Variants in RBFOX1 observed in about 807,000 individuals in gnomAD.
RBFOX1 encodes RNA binding fox-1 homolog 1, also known as RNA binding protein fox-1 homolog 1.
RBFOX1 carries 8 observed loss-of-function variants against 57.7 expected under a neutral mutation model. The ratio of observed to expected loss-of-function variants is 0.14; its 90% CI spans 0.08 to 0.25. RBFOX1 has a LOEUF of 0.25. Ranked by LOEUF, RBFOX1 falls within the 10% of genes least tolerant of loss-of-function variation. The probability of loss-of-function intolerance (pLI) is 1.00; values close to 1 mark genes in which losing one functional copy is unlikely to be tolerated. For missense variants in RBFOX1, 611 were observed against 548.5 expected (o/e 1.11, Z -1.14); for synonymous variants, 326 against 222.4 (o/e 1.47, Z -4.15).
At chr16:5,355,438 G>A (rs1406013481) in intron 1 of RBFOX1, among the ~76,000 whole-genome samples, 1 of 152,172 alleles carries the variant, frequency 6.6e-6, no homozygotes, top group African/African-American at 2.4e-5. Context: ...TTGATGTAAG[G>A]TGTCAAGGTC....
At chr16:6,551,174 C>G (rs1261788441) in intron 2 of RBFOX1, among the ~76,000 whole-genome samples, 1 of 152,184 alleles carries the variant, frequency 6.6e-6, no homozygotes. Context: ...CTATATAGAT[C>G]TAGCCCAACT....
chr16:7,631,686 G>A (rs561623139), intron 11 of RBFOX1, among the ~76,000 whole-genome samples: 4 of 152,122 alleles, frequency 2.6e-5, no homozygotes, highest in Non-Finnish European at 5.9e-5. Flanking sequence ...GGGATGGGGA[G>A]GAGAGCAGGA....
chr16:6,969,917 G>A (rs1461722254), intron 3 of RBFOX1, among the ~76,000 whole-genome samples: 1 of 152,084 alleles, frequency 6.6e-6, no homozygotes, highest in Non-Finnish European at 1.5e-5. Context: ...TCAGTAGTCT[G>A]TCATAGATTT....
intron 1 of RBFOX1, among the ~76,000 whole-genome samples, chr16:6,238,475 TAACAGATTTTATGGTACTTCGC>T (rs1268791243): frequency 6.6e-6 from 1 of 152,154 alleles, no homozygotes; most frequent in Non-Finnish European, 1.5e-5. Context: ...GAAGACAAAA[TAACAGATTTTATGGTACTTCGC>T]TGTGGTTTTT....
intron 1 of RBFOX1, among the ~76,000 whole-genome samples, chr16:5,425,117 CTATCTTGA>C (rs1378975574): frequency 4.8e-4 from 62 of 128,814 alleles, no homozygotes; most frequent in Non-Finnish European, 7.7e-4. Context: ...ATCTATCTAT[CTATCTTGA>C]GACAGAGTCT....
chr16:6,557,784 G>A (rs1449731616), intron 2 of RBFOX1, among the ~76,000 whole-genome samples: 1 of 152,116 alleles, frequency 6.6e-6, no homozygotes, highest in Admixed American at 6.6e-5. Flanking sequence ...CCATGTCAAG[G>A]CAATGTTTTA....
intron 2 of RBFOX1, among the ~76,000 whole-genome samples, chr16:6,634,693 A>G (rs1359725697): frequency 6.9e-6 from 1 of 144,660 alleles, no homozygotes; most frequent in Admixed American, 7.0e-5. Context: ...TATATAATAC[A>G]AAGATACATA....
chr16:5,307,149 C>T (rs1415905210), intron 1 of RBFOX1, among the ~76,000 whole-genome samples: 4 of 152,172 alleles, frequency 2.6e-5, no homozygotes, highest in Non-Finnish European at 4.4e-5. Flanking sequence ...TGGCTACTCG[C>T]TTATTACATT....
At position 6,554,807 on chromosome 16, in the gene RBFOX1, AACACACAG is replaced by A. The variant is rs150668194; in HGVS notation, c.-63-99780_-63-99773del. On this transcript the variant is annotated intron_variant, in intron 2 of 15. Coordinates refer to ENST00000550418, the MANE Select transcript of RBFOX1 (RefSeq NM_018723.4). ...ACACACACACAGACACACACAGATAAACACACAGACACACAGACACACACAGACTCTCC... is the reference window on the plus strand; with the variant it reads ...ACACACACACAGACACACACAGATAAACACACAGACACACACAGACTCTCC... 3.1e-3 allele frequency among the ~76,000 whole-genome samples: 464 copies of A among 151,434 alleles called. 2 individuals carry two copies. Among genetic ancestry groups the A allele is most frequent in the Admixed American group, 9.3e-3 (141 of 15,198 alleles).
intron 3 of RBFOX1, among the ~76,000 whole-genome samples, chr16:6,702,668 A>G (rs1280731072): frequency 6.6e-6 from 1 of 152,244 alleles, no homozygotes; most frequent in Non-Finnish European, 1.5e-5. Flanking sequence ...GACTGGTGAG[A>G]ATAATTGCTC....
chr16:7,351,451 G>T (rs1447260764), intron 4 of RBFOX1, among the ~76,000 whole-genome samples: 1 of 152,224 alleles, frequency 6.6e-6, no homozygotes, highest in East Asian at 1.9e-4. Flanking sequence ...TGGAATTTAT[G>T]TTCTTGTAGG....
intron 4 of RBFOX1, among the ~76,000 whole-genome samples, chr16:7,080,678 G>A (rs1054164866): frequency 6.6e-6 from 1 of 152,110 alleles, no homozygotes; most frequent in East Asian, 1.9e-4. Flanking sequence ...TTTGGGATTG[G>A]CTGCCATATG....
chr16:6,991,590 T>G (rs183387912), intron 3 of RBFOX1, among the ~76,000 whole-genome samples: 59 of 152,216 alleles, frequency 3.9e-4, no homozygotes, highest in African/African-American at 1.3e-3. Flanking sequence ...AGGCTGGAGT[T>G]CAGTGGTGCA....
chr16:6,382,584 G>A (rs2091915259), intron 2 of RBFOX1, among the ~76,000 whole-genome samples: 1 of 152,192 alleles, frequency 6.6e-6, no homozygotes, highest in Non-Finnish European at 1.5e-5. Flanking sequence ...TTAAGACTGG[G>A]TGCAGTGGCT....
At chr16:5,957,225 C>CT (rs943521446) in intron 4 of RBFOX1, among the ~76,000 whole-genome samples, 2 of 151,434 alleles carry the variant, frequency 1.3e-5, no homozygotes, top group Admixed American at 6.6e-5. Flanking sequence ...TTTTCTTTTT[C>CT]TTTTTTTGAG....
chr16:6,071,932 A>G (rs2095842707), intron 1 of RBFOX1, among the ~76,000 whole-genome samples: 1 of 152,236 alleles, frequency 6.6e-6, no homozygotes, highest in African/African-American at 2.4e-5. Flanking sequence ...TTAAGGCTGA[A>G]TAATATTCCA....
At chr16:7,329,550 T>G (rs8057797) in intron 4 of RBFOX1, among the ~76,000 whole-genome samples, 5,319 of 152,272 alleles carry the variant, frequency 0.035, 207 homozygotes, top group African/African-American at 0.092. Flanking sequence ...AGGTTTTGTT[T>G]AGTAGTTGTT....
At chr16:6,433,400 C>T (rs575444681) in intron 2 of RBFOX1, among the ~76,000 whole-genome samples, 26 of 152,350 alleles carry the variant, frequency 1.7e-4, no homozygotes, top group African/African-American at 5.5e-4. Context: ...AGCCCCTGAC[C>T]TGCCCCTGGG....
chr16:6,158,400 GC>G (rs1380144936), intron 1 of RBFOX1, among the ~76,000 whole-genome samples: 1 of 152,170 alleles, frequency 6.6e-6, no homozygotes, highest in East Asian at 1.9e-4. Flanking sequence ...AATAATGGCA[GC>G]CCGTTCCAGT....
Sources: gnomAD v4.1 joint callset for allele counts (sites outside exome capture counted in the v4.1 genomes callset) on GRCh38, gnomAD v4.1.1 for gene constraint, MANE v1.5 for transcripts, NCBI Gene and HGNC (gene_info 2026-07-23, HGNC 2026-07-21) for gene names.